Variants in XPO4 observed in about 807,000 individuals in gnomAD.
XPO4 encodes exportin-4.
In XPO4, 39 loss-of-function variants were observed where a neutral mutation model predicts 143.0. The ratio of observed to expected loss-of-function variants is 0.27; its 90% CI spans 0.21 to 0.36. The LOEUF (loss-of-function observed/expected upper bound fraction) is 0.36, where lower values mean the gene tolerates loss of function less well. Among genes scored for constraint, XPO4 ranks in the 10% least tolerant of loss-of-function variants. The pLI is 1.00. For missense variants in XPO4, 907 were observed against 1,348.0 expected (o/e 0.67, Z 5.12); for synonymous variants, 439 against 474.0 (o/e 0.93, Z 0.96).
At chr13:20,843,618 A>C (rs984458813) in intron 5 of XPO4, 152 bp downstream of exon 5, 28 of 597,930 alleles carry the variant, frequency 4.7e-5, no homozygotes, top group Non-Finnish European at 7.3e-5. Flanking sequence ...CAAACCTATC[A>C]TTTTACTATA....
intron 4 of XPO4, chr13:20,848,901 G>GA (rs1380264959): frequency 4.1e-6 from 4 of 985,210 alleles, no homozygotes; most frequent in Non-Finnish European, 4.8e-6. Context: ...TTCTTTCATT[G>GA]AAGTACTGAA....
At chr13:20,823,170 C>T (rs575555350) in intron 7 of XPO4, among the ~76,000 whole-genome samples, 4 of 152,322 alleles carry the variant, frequency 2.6e-5, no homozygotes, top group South Asian at 4.1e-4. Context: ...TGCCGAAGTA[C>T]TTAACTAGCC....
chr13:20,894,091 C>T (rs985928300), intron 1 of XPO4, among the ~76,000 whole-genome samples: 2 of 152,188 alleles, frequency 1.3e-5, no homozygotes, highest in Non-Finnish European at 2.9e-5. Flanking sequence ...ATCTGCCCGC[C>T]TCAGCCTCCC....
At chr13:20,786,200 C>G (rs570088687) in intron 22 of XPO4, among the ~76,000 whole-genome samples, 1 of 151,726 alleles carries the variant, frequency 6.6e-6, no homozygotes, top group Admixed American at 6.6e-5. Context: ...GAAAGGAGGT[C>G]TTTAAATAGT....
At chr13:20,820,337 A>G (rs975361111) in intron 9 of XPO4, among the ~76,000 whole-genome samples, 1 of 152,268 alleles carries the variant, frequency 6.6e-6, no homozygotes, top group East Asian at 1.9e-4. Context: ...CAAGGATGCC[A>G]TATATCTTCC....
At chr13:20,804,429 T>C (rs985888392) in intron 13 of XPO4, among the ~76,000 whole-genome samples, 2 of 152,148 alleles carry the variant, frequency 1.3e-5, no homozygotes, top group Non-Finnish European at 2.9e-5. Flanking sequence ...TTCTTTCTTG[T>C]GCAAGATCCA....
At chr13:20,824,969 T>C (rs971049104) in intron 7 of XPO4, among the ~76,000 whole-genome samples, 4 of 152,188 alleles carry the variant, frequency 2.6e-5, no homozygotes, top group Non-Finnish European at 5.9e-5. Context: ...GTAGGAGTCA[T>C]CTGGGAACCG....
intron 18 of XPO4, among the ~76,000 whole-genome samples, chr13:20,793,484 T>G (rs983623598): frequency 6.6e-6 from 1 of 152,212 alleles, no homozygotes; most frequent in Non-Finnish European, 1.5e-5. Flanking sequence ...TGGGAGGAAG[T>G]GCAGCTGCAC....
intron 1 of XPO4, chr13:20,902,139 C>T (rs750155005): frequency 2.3e-5 from 23 of 985,398 alleles, no homozygotes; most frequent in Non-Finnish European, 2.8e-5. Context: ...TCCAGCCGGC[C>T]CGGCCCTTCC....
intron 18 of XPO4, among the ~76,000 whole-genome samples, chr13:20,791,832 A>G (rs1244037073): frequency 6.6e-6 from 1 of 152,204 alleles, no homozygotes; most frequent in Non-Finnish European, 1.5e-5. Flanking sequence ...CAAATGAGGG[A>G]TATGTGTCTA....
At chr13:20,855,173 A>T (rs1566609326) in intron 4 of XPO4, among the ~76,000 whole-genome samples, 1 of 152,182 alleles carries the variant, frequency 6.6e-6, no homozygotes, top group Non-Finnish European at 1.5e-5. Context: ...TAAAAAGACT[A>T]GGCCAGGCGC....
rs2059523855 is a variant in XPO4 at position 20,807,585 on chromosome 13, T to A, written c.1689A>T (p.Pro563=). The A allele has an allele frequency of 6.2e-7, 1 of 1,612,794 alleles. No homozygotes were observed. The highest frequency in any genetic ancestry group is 1.3e-5 in the African/African-American group (1 of 74,878). Reference sequence around the variant, plus strand: ...GCTTAATGGAATATTCCATTATTTCTGGAGGTATTAGCGGAGTCTCTCCCT... The same window carrying A: ...GCTTAATGGAATATTCCATTATTTCAGGAGGTATTAGCGGAGTCTCTCCCT... ...DTQGETPLIP[P]EIMEYSIKHS... The change falls in exon 13 of 23, where the codon CCA becomes CCT. Residue 563 remains proline, a synonymous_variant. Transcript: ENST00000255305.
chr13:20,847,864 C>T (rs2060043530), intron 4 of XPO4, among the ~76,000 whole-genome samples: 1 of 152,208 alleles, frequency 6.6e-6, no homozygotes. Flanking sequence ...CAATACTTCA[C>T]TTATCTAAGA....
At chr13:20,786,581 A>G (rs1486678059) in intron 22 of XPO4, among the ~76,000 whole-genome samples, 1 of 152,120 alleles carries the variant, frequency 6.6e-6, no homozygotes, top group Non-Finnish European at 1.5e-5. Flanking sequence ...TGTCTTCCAT[A>G]CTGTCTGAAG....
chr13:20,867,642 T>C (rs1007445305), intron 2 of XPO4, among the ~76,000 whole-genome samples: 1 of 152,224 alleles, frequency 6.6e-6, no homozygotes, highest in Non-Finnish European at 1.5e-5. Context: ...CTCTCTTCCA[T>C]AAGTCCTTAT....
Position 20,778,698 on chromosome 13 carries a change from G to C in XPO4, c.*5024C>G, listed in dbSNP as rs537203018. The C allele has an allele frequency of 2.0e-5, 3 of 152,212 alleles. No homozygotes were observed. The highest frequency in any genetic ancestry group is 6.5e-5 in the Admixed American group (1 of 15,302). 9.4% of individuals were successfully genotyped at this position (152,212 alleles called of 1,614,324 possible). A position where few individuals can be genotyped will look rare whatever the true frequency, so the allele number is the denominator to read the frequency against. ...TCTCCCAGAAGGTGATGCAAATCTT[G>C]ATTTTTATCTGTACAGATGTCTTCA... On this transcript the variant is annotated 3_prime_UTR_variant, in exon 23 of 23. Transcript: ENST00000255305.
intron 4 of XPO4, among the ~76,000 whole-genome samples, chr13:20,848,050 G>A (rs918981750): frequency 1.1e-4 from 16 of 152,166 alleles, no homozygotes; most frequent in Admixed American, 2.6e-4. Flanking sequence ...CGTTGGCAAC[G>A]TGGTGCCAGA....
intron 6 of XPO4, among the ~76,000 whole-genome samples, chr13:20,832,522 A>G (rs1349775990): frequency 6.6e-6 from 1 of 152,210 alleles, no homozygotes; most frequent in Non-Finnish European, 1.5e-5. Context: ...TTGTAGCAAC[A>G]ATGGGCATTT....
chr13:20,849,589 T>C, intron 4 of XPO4: 5 of 985,414 alleles, frequency 5.1e-6, no homozygotes, highest in Non-Finnish European at 6.0e-6. Flanking sequence ...AATAACCACG[T>C]AACCTTTATA....
Sources: gnomAD v4.1 joint callset for allele counts (sites outside exome capture counted in the v4.1 genomes callset) on GRCh38, gnomAD v4.1.1 for gene constraint, MANE v1.5 for transcripts, NCBI Gene and HGNC (gene_info 2026-07-23, HGNC 2026-07-21) for gene names.